Variants in RLN2 observed in about 807,000 individuals in gnomAD.
RLN2 encodes prorelaxin H2.
A neutral mutation model predicts 7.3 loss-of-function variants in RLN2; 10 were observed. The ratio of observed to expected loss-of-function variants is 1.36; its 90% CI spans 0.84 to 2.31. The LOEUF (loss-of-function observed/expected upper bound fraction) is 2.31, where lower values mean the gene tolerates loss of function less well. RLN2 is among the 30% of genes most tolerant of loss of function. The pLI, the probability that RLN2 is intolerant of heterozygous loss-of-function variation, is 0.00. For synonymous variants in RLN2, 103 were observed against 82.3 expected, an observed-to-expected ratio of 1.25 and a Z score of -1.36; for missense variants, 298 against 217.6, an observed-to-expected ratio of 1.37 and a Z score of -2.32.
the RLN2 span, among the ~76,000 whole-genome samples, chr9:5,323,343 AG>A: frequency 6.6e-6 from 1 of 152,000 alleles, no homozygotes; most frequent in African/African-American, 2.4e-5. Flanking sequence ...AAAACCTCAA[AG>A]GGTACACAGA....
At chr9:5,335,320 G>T in the RLN2 span, 1 of 1,611,818 alleles carries the variant, frequency 6.2e-7, no homozygotes, top group Admixed American at 1.7e-5. Context: ...GTGCCACGTA[G>T]GGTCGTCTCT....
rs768808759 is a variant in RLN2 at position 5,300,170 on chromosome 9, T to G, written c.486A>C (p.Gln162His). ...ATTTATTAGCCAATGCACTGTAGAG[T>G]TGTCTCTTTTTTCGAGAATGAGTAT... is the stretch of plus-strand genomic sequence containing the variant. ...GLDTHSRKKR[Q>H]LYSALANKCC... The change falls in exon 2 of 2, where the codon CAA becomes CAC. Residue 162 changes from glutamine to histidine, a missense_variant. Physicochemically the swap from Gln to His is conservative, Grantham distance 24. Coordinates refer to ENST00000381627, the MANE Select transcript of RLN2 (RefSeq NM_134441.3). The G allele has an allele frequency of 2.5e-6, 4 of 1,613,562 alleles. No homozygotes were observed. Among genetic ancestry groups the G allele is most frequent in the Non-Finnish European group, 3.4e-6 (4 of 1,179,840 alleles).
Position 5,304,339 on chromosome 9 carries a change from G to A in RLN2, c.211+31C>T, listed in dbSNP as rs540675909. On this transcript the variant is annotated intron_variant, in intron 1 of 1. Coordinates refer to ENST00000381627, the MANE Select transcript of RLN2 (RefSeq NM_134441.3). ...CCCCAGAGTAACCAATGGGAAGCGC[G>A]GGAAGGCCGGGAGGGGGCGGGAGCT... 7 of 1,492,064 alleles carry A rather than the reference G, an allele frequency of 4.7e-6. No individual in the cohort carries two copies. The Admixed American group carries it at 7.9e-5, about 17-fold the overall frequency. 92.4% of individuals were successfully genotyped at this position (1,492,064 alleles called of 1,614,324 possible). A position where few individuals can be genotyped will look rare whatever the true frequency, so the allele number is the denominator to read the frequency against.
chr9:5,310,205 C>T, the RLN2 span, among the ~76,000 whole-genome samples: 1 of 151,914 alleles, frequency 6.6e-6, no homozygotes, highest in African/African-American at 2.4e-5. Context: ...CCTCCCTCCA[C>T]CAATTTTTTG....
chr9:5,301,884 C>T (rs2130990748), intron 1 of RLN2, among the ~76,000 whole-genome samples: 1 of 152,314 alleles, frequency 6.6e-6, no homozygotes, highest in South Asian at 2.1e-4. Flanking sequence ...CACTCTCCCT[C>T]ATTCATGTTC....
chr9:5,324,518 G>T, the RLN2 span, among the ~76,000 whole-genome samples: 45 of 151,956 alleles, frequency 3.0e-4, no homozygotes, highest in African/African-American at 1.1e-3. Flanking sequence ...TAACCTGATG[G>T]TCCCTGTATT....
chr9:5,310,649 G>C, the RLN2 span, among the ~76,000 whole-genome samples: 6 of 151,842 alleles, frequency 4.0e-5, no homozygotes, highest in Non-Finnish European at 8.8e-5. Context: ...TATTTTTAGA[G>C]GTTGCCCAAG....
chr9:5,337,567 T>C, the RLN2 span, among the ~76,000 whole-genome samples: 1 of 151,988 alleles, frequency 6.6e-6, no homozygotes, highest in African/African-American at 2.4e-5. Flanking sequence ...TAAGATAAAA[T>C]GGTTATCTAA....
intron 1 of RLN2, among the ~76,000 whole-genome samples, chr9:5,301,341 C>T (rs1816127699): frequency 6.6e-6 from 1 of 152,196 alleles, no homozygotes; most frequent in South Asian, 2.1e-4. Flanking sequence ...TCTTTGCACC[C>T]ATTCAGCTCA....
At chr9:5,325,686 A>G in the RLN2 span, among the ~76,000 whole-genome samples, 2 of 152,078 alleles carry the variant, frequency 1.3e-5, no homozygotes. Context: ...ATAAGCCAGC[A>G]TTATTCACTT....
chr9:5,308,050 T>A (rs575430104), upstream of RLN2, among the ~76,000 whole-genome samples: 4 of 152,056 alleles, frequency 2.6e-5, 1 homozygote, highest in South Asian at 2.1e-4. Context: ...AGTTTTTTTT[T>A]TAAATTATTA....
chr9:5,335,406 T>C, the RLN2 span: 3 of 1,613,648 alleles, frequency 1.9e-6, no homozygotes, highest in African/African-American at 4.0e-5. Context: ...CTTTGCCTAT[T>C]GCGAATAAGT....
chr9:5,316,101 T>C, the RLN2 span, among the ~76,000 whole-genome samples: 2 of 152,134 alleles, frequency 1.3e-5, no homozygotes, highest in South Asian at 4.1e-4. Context: ...ATCTTTAGCA[T>C]GAAGGTTAAA....
At chr9:5,318,703 T>A in the RLN2 span, among the ~76,000 whole-genome samples, 157 of 152,050 alleles carry the variant, frequency 1.0e-3, no homozygotes, top group Non-Finnish European at 1.4e-3. Flanking sequence ...CCTTTTGGAT[T>A]CAGAAATTCT....
At chr9:5,308,286 G>A (rs772025807), upstream of RLN2, among the ~76,000 whole-genome samples, 10 of 151,880 alleles carry the variant, frequency 6.6e-5, no homozygotes, top group Non-Finnish European at 1.2e-4. Context: ...AAGAGATTAG[G>A]AAAGATAAAT....
At position 5,304,653 on chromosome 9, in the gene RLN2, C is replaced by T; in HGVS notation, c.-73G>A. Reference sequence around the variant, plus strand: ...ACTGCAGCTGCTGTGGCCTACACACCTGGGCCTGTGTGCCTGTCCCGGGCT... The same window carrying T: ...ACTGCAGCTGCTGTGGCCTACACACTTGGGCCTGTGTGCCTGTCCCGGGCT... On this transcript the variant is annotated 5_prime_UTR_variant, in exon 1 of 2. Transcript: ENST00000381627. The T allele has an allele frequency of 6.7e-7, 1 of 1,486,952 alleles. No individual in the cohort carries two copies. Among genetic ancestry groups the T allele is most frequent in the Non-Finnish European group, 9.3e-7 (1 of 1,069,534 alleles). The allele number at this position is 1,486,952 out of a possible 1,614,324, so 92.1% of individuals were successfully genotyped here. A position where few individuals can be genotyped will look rare whatever the true frequency, so the allele number is the denominator to read the frequency against.
chr9:5,304,600 G>A lies in RLN2; in HGVS notation c.-20C>T, dbSNP rs774654646. On this transcript the variant is annotated 5_prime_UTR_variant, in exon 1 of 2. Transcript: ENST00000381627. The stretch of plus-strand genomic sequence containing the variant: ...AGGCATCCTGGGCCTGGTCTCTCCT[G>A]GAGGTCGGGACGTTGCAGCCTTTCA... 3.6e-5 allele frequency: 58 copies of A among 1,611,846 alleles called. No individual in the cohort carries two copies. The highest frequency in any genetic ancestry group is 4.9e-5 in the Non-Finnish European group (58 of 1,178,334).
At chr9:5,307,312 A>G (rs1586936914), upstream of RLN2, among the ~76,000 whole-genome samples, 1 of 144,226 alleles carries the variant, frequency 6.9e-6, no homozygotes, top group East Asian at 2.0e-4. Flanking sequence ...TAGATAGATG[A>G]TAGATAGATA....
the RLN2 span, among the ~76,000 whole-genome samples, chr9:5,331,186 C>T: frequency 6.6e-5 from 10 of 152,096 alleles, no homozygotes; most frequent in South Asian, 2.1e-3. Flanking sequence ...GGAGCTGGTA[C>T]CATTCCTTCT....
Sources: gnomAD v4.1 joint callset for allele counts (sites outside exome capture counted in the v4.1 genomes callset) on GRCh38, gnomAD v4.1.1 for gene constraint, MANE v1.5 for transcripts, NCBI Gene and HGNC (gene_info 2026-07-23, HGNC 2026-07-21) for gene names.